Variants in DOCK1 observed in about 807,000 individuals in gnomAD.
The protein encoded by DOCK1 is dedicator of cytokinesis protein 1.
Under a neutral mutation model 262.7 loss-of-function variants are expected in DOCK1, and 138 were observed. The observed-to-expected ratio is 0.53, with a 90% CI of 0.46 to 0.61. The LOEUF (loss-of-function observed/expected upper bound fraction) is 0.61, where lower values mean the gene tolerates loss of function less well. Among genes scored for constraint, DOCK1 ranks in the 20% least tolerant of loss-of-function variants. The pLI, the probability that DOCK1 is intolerant of heterozygous loss-of-function variation, is 0.00. For missense variants in DOCK1, 1,908 were observed against 2,370.7 expected (o/e 0.80, Z 4.05); for synonymous variants, 866 against 867.4 (o/e 1.00, Z 0.03).
At chr10:127,016,837 TAC>T (rs201637173) in intron 12 of DOCK1, among the ~76,000 whole-genome samples, 6 of 133,322 alleles carry the variant, frequency 4.5e-5, no homozygotes, top group South Asian at 2.4e-4. Flanking sequence ...ACACTACACA[TAC>T]ACACACACAG....
intron 1 of DOCK1, among the ~76,000 whole-genome samples, chr10:126,931,306 C>G (rs2034169775): frequency 6.6e-6 from 1 of 152,016 alleles, no homozygotes. Flanking sequence ...GAATACCATT[C>G]CAGGCTGTCC....
chr10:127,386,989 C>T (rs904482478), intron 38 of DOCK1, among the ~76,000 whole-genome samples: 4 of 152,164 alleles, frequency 2.6e-5, no homozygotes, highest in Admixed American at 1.3e-4. Context: ...CATCCCTTCC[C>T]GGCAGTGGCT....
chr10:126,921,211 A>AAAG (rs2033159923), intron 1 of DOCK1, among the ~76,000 whole-genome samples: 1 of 152,042 alleles, frequency 6.6e-6, no homozygotes, highest in African/African-American at 2.4e-5. Flanking sequence ...AAAAAAAAAA[A>AAAG]AAAAAAAAGT....
chr10:126,944,308 C>G (rs2035233047), intron 1 of DOCK1, among the ~76,000 whole-genome samples: 2 of 151,952 alleles, frequency 1.3e-5, no homozygotes, highest in Non-Finnish European at 1.5e-5. Context: ...CAGCACTGGG[C>G]ACAGGGTGCA....
chr10:127,071,006 G>T (rs1484615404), intron 23 of DOCK1, among the ~76,000 whole-genome samples: 1 of 151,922 alleles, frequency 6.6e-6, no homozygotes, highest in Non-Finnish European at 1.5e-5. Context: ...TGACGTTCTG[G>T]ACTATTTTGA....
intron 1 of DOCK1, among the ~76,000 whole-genome samples, chr10:126,963,490 C>G (rs1230926922): frequency 2.0e-5 from 3 of 151,970 alleles, no homozygotes; most frequent in Admixed American, 2.0e-4. Flanking sequence ...CTTTTAATAA[C>G]ACCATTATAA....
At chr10:127,101,038 C>T (rs889044281) in intron 23 of DOCK1, among the ~76,000 whole-genome samples, 1 of 151,986 alleles carries the variant, frequency 6.6e-6, no homozygotes, top group East Asian at 1.9e-4. Flanking sequence ...GGACAAAGGG[C>T]AGGAGGGCCT....
At chr10:127,433,941 G>T (rs142317070) in intron 48 of DOCK1, among the ~76,000 whole-genome samples, 47 of 151,902 alleles carry the variant, frequency 3.1e-4, no homozygotes, top group African/African-American at 1.1e-3. Flanking sequence ...GAAGCCAAAA[G>T]ATTGGGCACC....
chr10:127,244,677 A>C (rs2059374428), intron 27 of DOCK1, among the ~76,000 whole-genome samples: 1 of 152,004 alleles, frequency 6.6e-6, no homozygotes, highest in African/African-American at 2.4e-5. Context: ...CTGGTTTTTA[A>C]ATTTTCTGCA....
intron 27 of DOCK1, among the ~76,000 whole-genome samples, chr10:127,164,535 A>G (rs2053909577): frequency 6.6e-6 from 1 of 152,074 alleles, no homozygotes; most frequent in Non-Finnish European, 1.5e-5. Context: ...AGCAACTTGT[A>G]TGCTTCCTTT....
rs890211883 is a variant in DOCK1, at chr10:127,021,441, A to C, written c.1328-1759A>C. On this transcript the variant is annotated intron_variant, in intron 13 of 51. Transcript: ENST00000623213. The stretch of plus-strand genomic sequence containing the variant: ...GAGCCTCGCAAAGCGCTGGGATTAC[A>C]GGCGTGAGCCACTGCACCCGGCCTT... Among the ~76,000 whole-genome samples, 3 of 152,334 alleles carry C rather than the reference A, an allele frequency of 2.0e-5. No individual in the cohort carries two copies. In the South Asian group the frequency reaches 6.2e-4, roughly 32 times the overall value.
At position 127,418,367 on chromosome 10, in the gene DOCK1, G is replaced by A. The variant is rs370127033; in HGVS notation, c.4518G>A (p.Val1506=). ...RWFEVKSVFM[V]EISPLENAIE... Reference sequence around the variant, plus strand: ...CGGGCTCTCCTCTCTCTTTGCAGGTGGAAATCAGCCCCCTGGAGAATGCCA... The same window carrying A: ...CGGGCTCTCCTCTCTCTTTGCAGGTAGAAATCAGCCCCCTGGAGAATGCCA... Residue 1506 remains valine, a splice_region_variant and synonymous_variant, in exon 45 of 52, where the codon GTG becomes GTA. Coordinates refer to ENST00000623213, the MANE Select transcript of DOCK1 (RefSeq NM_001290223.2). The A allele has an allele frequency of 2.4e-5, 39 of 1,608,290 alleles. No individual in the cohort carries two copies. The highest frequency in any genetic ancestry group is 5.4e-5 in the African/African-American group (4 of 74,730).
rs181682485 is a variant in DOCK1, at chr10:127,075,651, C to T, written c.2445+13875C>T. On this transcript the variant is annotated intron_variant, in intron 23 of 51. Coordinates refer to ENST00000623213, the MANE Select transcript of DOCK1 (RefSeq NM_001290223.2). ...GGAAGCAAGGACCTTCTTCACATGGCGGCAGGAGAGAGAGCGGAGGGGGAA... is the reference window on the plus strand; with the variant it reads ...GGAAGCAAGGACCTTCTTCACATGGTGGCAGGAGAGAGAGCGGAGGGGGAA... Among the ~76,000 whole-genome samples, 302 of 152,136 alleles carry T rather than the reference C, an allele frequency of 2.0e-3. 1 individual carries two copies. The highest frequency in any genetic ancestry group is 3.6e-3 in the Non-Finnish European group (246 of 67,980).
At chr10:127,447,138 G>T (rs1249060798) in intron 50 of DOCK1, among the ~76,000 whole-genome samples, 2 of 152,196 alleles carry the variant, frequency 1.3e-5, no homozygotes, top group Admixed American at 6.5e-5. Flanking sequence ...GTGGCTCGAT[G>T]CCTTGCTTCA....
chr10:127,219,066 GC>G (rs2058325652), intron 27 of DOCK1, among the ~76,000 whole-genome samples: 1 of 152,100 alleles, frequency 6.6e-6, no homozygotes, highest in South Asian at 2.1e-4. Context: ...TTTGGAGGGG[GC>G]ACATTCAAAC....
chr10:127,235,313 A>G (rs2059008171), intron 27 of DOCK1, among the ~76,000 whole-genome samples: 1 of 152,068 alleles, frequency 6.6e-6, no homozygotes, highest in Non-Finnish European at 1.5e-5. Flanking sequence ...ATGCCCCTCC[A>G]TAGTCAGTTC....
At chr10:127,339,732 T>TGTGTGTGTGTGTGC (rs1243468884) in intron 30 of DOCK1, among the ~76,000 whole-genome samples, 3 of 40,434 alleles carry the variant, frequency 7.4e-5, no homozygotes, top group Non-Finnish European at 2.2e-4. Flanking sequence ...TGTGTGTGTG[T>TGTGTGTGTGTGTGC]GTGCATGCTG....
At chr10:126,979,083 A>G (rs2038759215) in intron 3 of DOCK1, among the ~76,000 whole-genome samples, 1 of 152,150 alleles carries the variant, frequency 6.6e-6, no homozygotes, top group Non-Finnish European at 1.5e-5. Flanking sequence ...CACCTTGCCA[A>G]CCTCAGACTG....
intron 27 of DOCK1, among the ~76,000 whole-genome samples, chr10:127,219,927 T>C (rs1423403489): frequency 1.3e-5 from 2 of 152,184 alleles, no homozygotes; most frequent in Non-Finnish European, 2.9e-5. Flanking sequence ...CTGGCAGTCC[T>C]GTGCACCATT....
Sources: allele counts gnomAD v4.1 joint callset (sites outside exome capture counted in the v4.1 genomes callset), GRCh38; gene constraint gnomAD v4.1.1; transcripts MANE v1.5; gene names NCBI Gene and HGNC (gene_info 2026-07-23, HGNC 2026-07-21).